EVI5: variants seen among roughly 807,000 people sequenced by gnomAD.
EVI5 encodes the protein ecotropic viral integration site 5.
Under a neutral mutation model 112.0 loss-of-function variants are expected in EVI5, and 73 were observed. The observed-to-expected ratio is 0.65, with a 90% CI of 0.54 to 0.79. The LOEUF (loss-of-function observed/expected upper bound fraction) is 0.79, where lower values mean the gene tolerates loss of function less well. Ranked by LOEUF, EVI5 falls within the 30% of genes least tolerant of loss-of-function variation. The pLI, the probability that EVI5 is intolerant of heterozygous loss-of-function variation, is 0.00. For synonymous variants in EVI5, 305 were observed against 319.9 expected, an observed-to-expected ratio of 0.95 and a Z score of 0.50; for missense variants, 900 against 968.8, an observed-to-expected ratio of 0.93 and a Z score of 0.94.
intron 1 of EVI5, among the ~76,000 whole-genome samples, chr1:92,750,913 G>A (rs1390341102): frequency 6.6e-6 from 1 of 152,168 alleles, no homozygotes; most frequent in Admixed American, 6.5e-5. Flanking sequence ...CACTTTGGGA[G>A]GCCGAGGCGG....
At chr1:92,682,895 T>C (rs886569552) in intron 9 of EVI5, among the ~76,000 whole-genome samples, 1 of 152,266 alleles carries the variant, frequency 6.6e-6, no homozygotes, top group Non-Finnish European at 1.5e-5. Flanking sequence ...TTTCCTCATA[T>C]ACATTTTAAA....
At chr1:92,760,418 T>C (rs1481889032) in intron 1 of EVI5, among the ~76,000 whole-genome samples, 3 of 152,020 alleles carry the variant, frequency 2.0e-5, no homozygotes, top group African/African-American at 7.2e-5. Context: ...CAGCAGCTAG[T>C]ATACACTAAA....
chr1:92,674,240 G>C (rs981825571), intron 10 of EVI5, among the ~76,000 whole-genome samples: 1 of 152,116 alleles, frequency 6.6e-6, no homozygotes, highest in Admixed American at 6.5e-5. Flanking sequence ...ATTAGAATGA[G>C]TTGTCAGGGT....
chr1:92,758,395 C>A (rs1681277286), intron 1 of EVI5, among the ~76,000 whole-genome samples: 1 of 151,892 alleles, frequency 6.6e-6, no homozygotes, highest in Non-Finnish European at 1.5e-5. Context: ...ATGGCAAAAC[C>A]CCGTCTCTAC....
In EVI5 at chr1:92,605,346, C is replaced by A; in HGVS notation, c.2031G>T (p.Val677=). The A allele has an allele frequency of 6.2e-7, 1 of 1,613,726 alleles. No homozygotes were observed. Among genetic ancestry groups the A allele is most frequent in the Non-Finnish European group, 8.5e-7 (1 of 1,179,694 alleles). Reference sequence around the variant, plus strand: ...CAGCAATGTGTTGTCGTAGTTCAGCCACAGCAGCTATGCTATCTGCTTCCC... The same window carrying A: ...CAGCAATGTGTTGTCGTAGTTCAGCAACAGCAGCTATGCTATCTGCTTCCC... The part of the protein sequence containing the change: ...RLREADSIAA[V]AELRQHIAEL... Residue 677 remains valine (V), a synonymous_variant, in exon 18 of 20, where the codon GTG becomes GTT. Coordinates refer to ENST00000684568, the MANE Select transcript of EVI5 (RefSeq NM_001350197.2).
chr1:92,549,363 A>G (rs913329160), intron 19 of EVI5, among the ~76,000 whole-genome samples: 1 of 152,200 alleles, frequency 6.6e-6, no homozygotes, highest in Non-Finnish European at 1.5e-5. Context: ...TGAATTAAAG[A>G]CTTAAATGTT....
chr1:92,737,238 T>A (rs1238796549), intron 1 of EVI5, among the ~76,000 whole-genome samples: 1 of 152,176 alleles, frequency 6.6e-6, no homozygotes, highest in African/African-American at 2.4e-5. Context: ...GGTAAATGGC[T>A]GGGTTAATAG....
intron 14 of EVI5, among the ~76,000 whole-genome samples, chr1:92,629,445 G>C (rs923980039): frequency 1.3e-5 from 2 of 152,172 alleles, no homozygotes. Context: ...GAGATTTGGA[G>C]TTTGTAATCT....
At chr1:92,619,959 C>A (rs1362028880) in intron 16 of EVI5, among the ~76,000 whole-genome samples, 2 of 152,054 alleles carry the variant, frequency 1.3e-5, no homozygotes, top group African/African-American at 4.8e-5. Flanking sequence ...ACGAACAGAG[C>A]AACCAAGAGT....
At chr1:92,786,293 A>C (rs1399239595), upstream of EVI5, among the ~76,000 whole-genome samples, 3 of 151,972 alleles carry the variant, frequency 2.0e-5, no homozygotes, top group African/African-American at 4.8e-5. Context: ...AATACCAAGA[A>C]ATAGGAAGTA....
At chr1:92,707,215 T>TTCACAGCC (rs200812953) in intron 2 of EVI5, among the ~76,000 whole-genome samples, 1,637 of 149,898 alleles carry the variant, frequency 0.011, 35 homozygotes, top group African/African-American at 0.037. Flanking sequence ...AGAAAACCTC[T>TTCACAGCC]TCACAGCCTT....
At chr1:92,624,613 C>T (rs560252161) in intron 15 of EVI5, among the ~76,000 whole-genome samples, 2 of 129,066 alleles carry the variant, frequency 1.5e-5, no homozygotes, top group East Asian at 5.0e-4. Flanking sequence ...GAGGCCAAGG[C>T]GGGCAGATCA....
rs747229137 is a variant in EVI5, at chr1:92,736,436, G to T, written c.111C>A (p.Asp37Glu). 6.2e-6 allele frequency: 10 copies of T among 1,613,478 alleles called. No individual in the cohort carries two copies. In the East Asian group the frequency reaches 2.2e-4, roughly 36 times the overall value. The change falls in exon 2 of 20, where the codon GAC becomes GAA. Residue 37 changes from aspartate to glutamate, a missense_variant. Coordinates refer to ENST00000684568, the MANE Select transcript of EVI5 (RefSeq NM_001350197.2). Reference protein sequence around the residue: ...SPSSPSQLSPDDLELLAKLEE... With the variant: ...SPSSPSQLSPEDLELLAKLEE... ...CCAGTTTAGCCAGGAGTTCTAAGTC[G>T]TCTGGACTCAACTGTGATGGGGAAG...
Position 92,704,679 on chromosome 1 carries a change from G to A in EVI5, c.215C>T (p.Ser72Phe). The change falls in exon 3 of 20, where the codon TCT becomes TTT. Residue 72 changes from serine to phenylalanine, a missense_variant. Ser to Phe is a radical substitution (Grantham distance 155, BLOSUM62 -2). Transcript: ENST00000684568. ...VNGSRRNSGS[S>F]LVSSSSASSN... is the part of the protein sequence containing the mutation. ...AGAGGCTGATGAACTCGACACAAGA[G>A]AAGAGCCACTGTTTCTTCTTGACCC... is the stretch of plus-strand genomic sequence containing the variant. 1 of 1,603,894 alleles carries A rather than the reference G, an allele frequency of 6.2e-7. No homozygotes were observed. Among genetic ancestry groups the A allele is most frequent in the Non-Finnish European group, 8.5e-7 (1 of 1,173,494 alleles).
chr1:92,668,597 C>T (rs1207060560), intron 10 of EVI5, among the ~76,000 whole-genome samples: 2 of 152,184 alleles, frequency 1.3e-5, no homozygotes, highest in Non-Finnish European at 2.9e-5. Flanking sequence ...CCTTTTACGG[C>T]TTCTGAAATC....
At chr1:92,533,682 C>G (rs755939771) in intron 19 of EVI5, among the ~76,000 whole-genome samples, 4 of 152,240 alleles carry the variant, frequency 2.6e-5, no homozygotes, top group Middle Eastern at 3.4e-3. Context: ...TGACAAAAAC[C>G]ACGTTTATCT....
intron 1 of EVI5, among the ~76,000 whole-genome samples, chr1:92,782,752 A>G (rs2103112290): frequency 6.6e-6 from 1 of 152,262 alleles, no homozygotes; most frequent in East Asian, 1.9e-4. Flanking sequence ...ACATACTCCA[A>G]TCTAGTAATG....
intron 9 of EVI5, among the ~76,000 whole-genome samples, chr1:92,681,538 C>T (rs963752035): frequency 6.6e-6 from 1 of 152,142 alleles, no homozygotes; most frequent in Non-Finnish European, 1.5e-5. Context: ...ACCTATGAGC[C>T]TTTGTACCTA....
At chr1:92,627,278 C>T (rs1457487223) in intron 14 of EVI5, among the ~76,000 whole-genome samples, 1 of 152,208 alleles carries the variant, frequency 6.6e-6, no homozygotes, top group African/African-American at 2.4e-5. Context: ...TTTTCCATTC[C>T]TGAGTTACTT....
Sources: gnomAD v4.1 joint callset for allele counts (sites outside exome capture counted in the v4.1 genomes callset) on GRCh38, gnomAD v4.1.1 for gene constraint, MANE v1.5 for transcripts, NCBI Gene and HGNC (gene_info 2026-07-23, HGNC 2026-07-21) for gene names.